The following TTC28 variants were observed in gnomAD, a reference collection of about 807,000 sequenced individuals.
TTC28 encodes the protein tetratricopeptide repeat domain 28.
TTC28 carries 61 observed loss-of-function variants against 198.0 expected under a neutral mutation model. That is an observed-to-expected ratio of 0.31 (90% CI 0.25 to 0.38). TTC28 has a LOEUF of 0.38. Among genes scored for constraint, TTC28 ranks in the 10% least tolerant of loss-of-function variants. The pLI, the probability that TTC28 is intolerant of heterozygous loss-of-function variation, is 1.00. For missense variants in TTC28, 2,678 were observed against 3,164.0 expected (o/e 0.85, Z 3.69); for synonymous variants, 1,171 against 1,297.8 (o/e 0.90, Z 2.10).
At chr22:28,517,405 A>G (rs1336648466) in intron 2 of TTC28, among the ~76,000 whole-genome samples, 1 of 152,224 alleles carries the variant, frequency 6.6e-6, no homozygotes, top group East Asian at 1.9e-4. Context: ...GCCCAACTAT[A>G]GGCTACACAG....
At chr22:28,269,894 A>G (rs1332760540) in intron 5 of TTC28, among the ~76,000 whole-genome samples, 1 of 152,240 alleles carries the variant, frequency 6.6e-6, no homozygotes, top group African/African-American at 2.4e-5. Context: ...AAAGAAGCAC[A>G]AGATAGAACA....
chr22:28,106,604 G>C (rs1482962465), intron 7 of TTC28, among the ~76,000 whole-genome samples: 5 of 152,146 alleles, frequency 3.3e-5, no homozygotes, highest in Non-Finnish European at 7.4e-5. Flanking sequence ...CTATTATCAG[G>C]TGGCTTTTCT....
chr22:28,467,374 T>C (rs2048036572), intron 2 of TTC28, among the ~76,000 whole-genome samples: 1 of 152,138 alleles, frequency 6.6e-6, no homozygotes, highest in Non-Finnish European at 1.5e-5. Flanking sequence ...CTGTGAGCTG[T>C]GATTGCACCA....
chr22:28,482,437 T>C (rs2048264140), intron 2 of TTC28, among the ~76,000 whole-genome samples: 1 of 151,968 alleles, frequency 6.6e-6, no homozygotes, highest in Admixed American at 6.6e-5. Flanking sequence ...CTCGATCTCC[T>C]GACCTCGTGA....
rs1197691635 is a variant in TTC28 at position 27,998,572 on chromosome 22, C to T, written c.5087G>A (p.Ser1696Asn). 2.6e-6 allele frequency: 4 copies of T among 1,550,662 alleles called. No homozygotes were observed. The highest frequency in any genetic ancestry group is 3.5e-6 in the Non-Finnish European group (4 of 1,146,956). Residue 1696 changes from serine to asparagine, a missense_variant, in exon 16 of 23, where the codon AGC becomes AAC. Physicochemically the swap from Ser to Asn is conservative, Grantham distance 46 (BLOSUM62 1). Transcript: ENST00000397906. ...LGEAMKVVQS[S>N]KAFSHPSNWA... Reference sequence around the variant, plus strand: ...GTTGGAGGGGTGCGAGAAGGCCTTGCTGCTCTGCACCACCTTCATGGCCTC... The same window carrying T: ...GTTGGAGGGGTGCGAGAAGGCCTTGTTGCTCTGCACCACCTTCATGGCCTC...
At chr22:28,497,744 A>G (rs549194342) in intron 2 of TTC28, among the ~76,000 whole-genome samples, 1 of 152,314 alleles carries the variant, frequency 6.6e-6, no homozygotes, top group African/African-American at 2.4e-5. Context: ...AAATCAATAG[A>G]TAACTGCTAA....
intron 1 of TTC28, among the ~76,000 whole-genome samples, chr22:28,670,970 A>C (rs1439374969): frequency 2.6e-5 from 4 of 151,856 alleles, no homozygotes; most frequent in African/African-American, 4.8e-5. Context: ...ATACCTTTTC[A>C]TGTTATTGGC....
At chr22:28,207,272 C>A (rs912926366) in intron 5 of TTC28, among the ~76,000 whole-genome samples, 2 of 148,054 alleles carry the variant, frequency 1.4e-5, no homozygotes, top group African/African-American at 4.9e-5. Flanking sequence ...ATAAATAGTT[C>A]TTTATAGCTG....
chr22:28,673,702 A>G (rs1443537686), intron 1 of TTC28, among the ~76,000 whole-genome samples: 1 of 152,168 alleles, frequency 6.6e-6, no homozygotes, highest in Non-Finnish European at 1.5e-5. Flanking sequence ...CCTATAGAAA[A>G]CTGGTTAGTG....
intron 13 of TTC28, among the ~76,000 whole-genome samples, chr22:28,027,816 T>C (rs951955916): frequency 3.3e-5 from 5 of 152,240 alleles, no homozygotes; most frequent in Admixed American, 1.3e-4. Context: ...AGGGACAGGC[T>C]GGCAGGGAAG....
At chr22:28,143,216 A>C (rs1270494605) in intron 6 of TTC28, among the ~76,000 whole-genome samples, 1 of 152,208 alleles carries the variant, frequency 6.6e-6, no homozygotes, top group Non-Finnish European at 1.5e-5. Context: ...CTCAAAAATT[A>C]CTTTGTGAAC....
At chr22:28,661,260 G>A (rs925988411) in intron 1 of TTC28, among the ~76,000 whole-genome samples, 2 of 151,882 alleles carry the variant, frequency 1.3e-5, no homozygotes, top group Admixed American at 1.3e-4. Context: ...CTCCAGCCTG[G>A]GCAACAAGTA....
At chr22:28,060,202 C>G (rs1031734021) in intron 12 of TTC28, among the ~76,000 whole-genome samples, 1 of 152,040 alleles carries the variant, frequency 6.6e-6, no homozygotes, top group African/African-American at 2.4e-5. Context: ...CACCCATTAA[C>G]TCATCATTTA....
At chr22:28,216,762 C>T (rs142828448) in intron 5 of TTC28, among the ~76,000 whole-genome samples, 1 of 152,238 alleles carries the variant, frequency 6.6e-6, no homozygotes, top group Non-Finnish European at 1.5e-5. Flanking sequence ...CACTCTGTCA[C>T]CCAGACTGAA....
intron 14 of TTC28, among the ~76,000 whole-genome samples, chr22:28,013,984 G>A (rs567697054): frequency 6.6e-6 from 1 of 152,314 alleles, no homozygotes; most frequent in East Asian, 1.9e-4. Flanking sequence ...TACCCGGCTT[G>A]TAGGGAGCAG....
intron 2 of TTC28, among the ~76,000 whole-genome samples, chr22:28,495,736 C>A (rs1297506616): frequency 6.6e-6 from 1 of 152,116 alleles, no homozygotes; most frequent in East Asian, 1.9e-4. Context: ...GGCTCCAGCC[C>A]AGAGAGATTT....
intron 2 of TTC28, among the ~76,000 whole-genome samples, chr22:28,308,251 T>C (rs1218275612): frequency 6.6e-6 from 1 of 152,198 alleles, no homozygotes; most frequent in Non-Finnish European, 1.5e-5. Context: ...TCATTACCTT[T>C]TTCATTTCAC....
intron 2 of TTC28, among the ~76,000 whole-genome samples, chr22:28,564,622 T>G (rs1259029499): frequency 6.6e-6 from 1 of 151,868 alleles, no homozygotes; most frequent in Non-Finnish European, 1.5e-5. Context: ...AACAATACTA[T>G]ACAGTGCATT....
chr22:28,337,052 T>C (rs2045735538), intron 2 of TTC28, among the ~76,000 whole-genome samples: 2 of 152,202 alleles, frequency 1.3e-5, no homozygotes, highest in Non-Finnish European at 2.9e-5. Context: ...TTTGTTCTCA[T>C]TGGTTTCAAA....
Sources: allele counts gnomAD v4.1 joint callset (sites outside exome capture counted in the v4.1 genomes callset), GRCh38; gene constraint gnomAD v4.1.1; transcripts MANE v1.5; gene names NCBI Gene and HGNC (gene_info 2026-07-23, HGNC 2026-07-21).